Variants in MAP3K13 observed in about 807,000 individuals in gnomAD.
The protein encoded by MAP3K13 is mitogen-activated protein kinase kinase kinase 13, also known as leucine zipper-bearing kinase.
In MAP3K13, 52 loss-of-function variants were observed where a neutral mutation model predicts 104.0. The observed-to-expected ratio is 0.50, with a 90% CI of 0.40 to 0.63. MAP3K13 has a LOEUF of 0.63. MAP3K13 is among the 20% of genes least tolerant of loss of function. MAP3K13 has a pLI of 0.00. For missense variants in MAP3K13, 914 were observed against 1,218.5 expected (o/e 0.75, Z 3.72); for synonymous variants, 394 against 442.2 (o/e 0.89, Z 1.37).
At chr3:185,429,141 A>G (rs1714605209) in intron 2 of MAP3K13, 85 bp downstream of exon 2, 4 of 1,332,268 alleles carry the variant, frequency 3.0e-6, no homozygotes, top group Non-Finnish European at 1.0e-6. Flanking sequence ...TGGATAACCT[A>G]TGACCTTTGG....
intron 2 of MAP3K13, among the ~76,000 whole-genome samples, chr3:185,334,925 T>C (rs1043225121): frequency 2.0e-5 from 3 of 151,946 alleles, no homozygotes; most frequent in Non-Finnish European, 2.9e-5. Flanking sequence ...TGGATTTTCT[T>C]ATAGGGGGAA....
intron 2 of MAP3K13, among the ~76,000 whole-genome samples, chr3:185,326,587 G>T (rs1169854360): frequency 6.6e-6 from 1 of 152,096 alleles, no homozygotes; most frequent in Non-Finnish European, 1.5e-5. Flanking sequence ...TATTGTGCCC[G>T]TTTTACAGAT....
At chr3:185,448,086 T>G in intron 5 of MAP3K13, 139 bp downstream of exon 5, 1 of 951,418 alleles carries the variant, frequency 1.1e-6, no homozygotes, top group Non-Finnish European at 1.7e-6. Flanking sequence ...CCTCATATTT[T>G]CTGAGGTACT....
intron 2 of MAP3K13, among the ~76,000 whole-genome samples, chr3:185,323,995 CTTTTTA>C (rs1202531511): frequency 7.2e-5 from 11 of 151,854 alleles, no homozygotes; most frequent in Admixed American, 5.9e-4. Context: ...GGTTGAGTGT[CTTTTTA>C]TTTTTATTTT....
chr3:185,358,991 G>T (rs754067529), upstream of MAP3K13, among the ~76,000 whole-genome samples: 1 of 152,216 alleles, frequency 6.6e-6, no homozygotes, highest in African/African-American at 2.4e-5. Context: ...CCCTTTGGAA[G>T]TTGGGTCACT....
chr3:185,424,801 G>C (rs1356766212), intron 1 of MAP3K13, among the ~76,000 whole-genome samples: 1 of 152,128 alleles, frequency 6.6e-6, no homozygotes, highest in Non-Finnish European at 1.5e-5. Flanking sequence ...ATCTAGGCTA[G>C]TGCATGGCAC....
chr3:185,302,319 A>T (rs1438532203), intron 2 of MAP3K13, among the ~76,000 whole-genome samples: 1 of 152,044 alleles, frequency 6.6e-6, no homozygotes, highest in Non-Finnish European at 1.5e-5. Context: ...AGGCTGAAGC[A>T]GGAGAATTGC....
At chr3:185,471,404 C>G (rs924623907) in intron 10 of MAP3K13, among the ~76,000 whole-genome samples, 2 of 147,688 alleles carry the variant, frequency 1.4e-5, no homozygotes, top group South Asian at 4.3e-4. Flanking sequence ...TCTTGGCCCC[C>G]AAAGTGCTGG....
At chr3:185,356,616 G>T (rs955673173) in intron 2 of MAP3K13, among the ~76,000 whole-genome samples, 41 of 152,164 alleles carry the variant, frequency 2.7e-4, no homozygotes, top group African/African-American at 7.5e-4. Flanking sequence ...CAAATGTTCA[G>T]CCCCCACCCA....
At chr3:185,347,834 C>T (rs577384257) in intron 2 of MAP3K13, among the ~76,000 whole-genome samples, 1 of 151,924 alleles carries the variant, frequency 6.6e-6, no homozygotes, top group East Asian at 1.9e-4. Flanking sequence ...CATGGTGAAA[C>T]CCTGTCTCTA....
chr3:185,480,310 G>C lies in MAP3K13; in HGVS notation c.2580G>C (p.Glu860Asp), dbSNP rs1260877367. ...SENFSVSDGEEGNTSDHSNSP... is the reference protein window; with the variant it reads ...SENFSVSDGEDGNTSDHSNSP... ...ATTTCTCTGTGTCTGATGGAGAAGA[G>C]GGAAATACCAGTGACCACTCAAACA... Residue 860 changes from glutamate to aspartate, a missense_variant, in exon 13 of 14, where the codon GAG (glutamate) becomes GAC (aspartate). This residue lies in a region of MAP3K13 where 583 missense variants were observed against 737.4 expected (regional missense o/e 0.79). Coordinates refer to ENST00000265026, the MANE Select transcript of MAP3K13 (RefSeq NM_004721.5). The C allele has an allele frequency of 3.1e-6, 5 of 1,614,088 alleles. No homozygotes were observed. The African/African-American group carries it at 5.3e-5, about 17-fold the overall frequency.
chr3:185,376,108 A>G (rs558175947), intron 1 of MAP3K13, among the ~76,000 whole-genome samples: 5 of 152,236 alleles, frequency 3.3e-5, no homozygotes, highest in African/African-American at 1.2e-4. Context: ...AACAGGAATG[A>G]AGGAAACATG....
intron 1 of MAP3K13, among the ~76,000 whole-genome samples, chr3:185,380,047 A>G (rs967956499): frequency 6.6e-6 from 1 of 152,034 alleles, no homozygotes; most frequent in Non-Finnish European, 1.5e-5. Context: ...TTAGCCGGGC[A>G]TGATGGCAGG....
At chr3:185,358,292 C>T (rs1407060843), upstream of MAP3K13, among the ~76,000 whole-genome samples, 1 of 152,126 alleles carries the variant, frequency 6.6e-6, no homozygotes, top group African/African-American at 2.4e-5. Flanking sequence ...GGTAGACAGA[C>T]ACCTAATAAT....
At position 185,307,702 on chromosome 3, in the gene MAP3K13, C is replaced by T. The variant is rs550010946; in HGVS notation, c.-86+22059C>T. 2.5e-4 allele frequency among the ~76,000 whole-genome samples: 38 copies of T among 152,034 alleles called. No homozygotes were observed. In the South Asian group the frequency reaches 5.2e-3, roughly 21 times the overall value. Reference sequence around the variant, plus strand: ...GGGATTACAGGCGCATGCCACCACACCCAGCTAATTTTTGTATTTTTAGTA... The same window carrying T: ...GGGATTACAGGCGCATGCCACCACATCCAGCTAATTTTTGTATTTTTAGTA... On this transcript the variant is annotated intron_variant, in intron 2 of 14. Coordinates refer to the MAP3K13 transcript ENST00000424227.
At chr3:185,467,217 C>G (rs1169634387) in intron 10 of MAP3K13, among the ~76,000 whole-genome samples, 1 of 152,174 alleles carries the variant, frequency 6.6e-6, no homozygotes, top group African/African-American at 2.4e-5. Flanking sequence ...CCAGACAGAC[C>G]TGGATGCAAA....
chr3:185,447,955 G>T lies in MAP3K13; in HGVS notation c.1010+8G>T. 6.2e-7 allele frequency: 1 copy of T among 1,600,154 alleles called. No individual in the cohort carries two copies. The highest frequency in any genetic ancestry group is 8.5e-7 in the Non-Finnish European group (1 of 1,172,250). ...TGAAAAAGTTGATATATGGTGAGTG[G>T]CGCCACCAGTTGTGCCAACTAAAAA... On this transcript the variant is annotated splice_region_variant and intron_variant, in intron 5 of 13. Coordinates refer to ENST00000265026, the MANE Select transcript of MAP3K13 (RefSeq NM_004721.5).
At chr3:185,304,268 C>G (rs181439545) in intron 2 of MAP3K13, among the ~76,000 whole-genome samples, 17 of 152,290 alleles carry the variant, frequency 1.1e-4, no homozygotes, top group African/African-American at 3.8e-4. Flanking sequence ...TCCATATGCC[C>G]TTGAGAAGAA....
chr3:185,375,348 G>A (rs969898670), intron 1 of MAP3K13, among the ~76,000 whole-genome samples: 1 of 151,970 alleles, frequency 6.6e-6, no homozygotes, highest in Non-Finnish European at 1.5e-5. Context: ...GAAGGGAGGG[G>A]GCCTGAGAAA....
Sources: allele counts gnomAD v4.1 joint callset (sites outside exome capture counted in the v4.1 genomes callset), GRCh38; gene constraint gnomAD v4.1.1; regional missense constraint gnomAD v4.1.1; transcripts MANE v1.5; gene names NCBI Gene and HGNC (gene_info 2026-07-23, HGNC 2026-07-21).